The following CEP112 variants were observed in gnomAD, a reference collection of about 807,000 sequenced individuals.
CEP112 encodes the protein centrosomal protein of 112 kDa.
A neutral mutation model predicts 153.0 loss-of-function variants in CEP112; 127 were observed. The ratio of observed to expected loss-of-function variants is 0.83; its 90% CI spans 0.72 to 0.96. The LOEUF is 0.96. Among genes scored for constraint, CEP112 ranks in the 40% least tolerant of loss-of-function variants. The pLI is 0.00. For synonymous variants in CEP112, 358 were observed against 374.4 expected (o/e 0.96, Z 0.51); for missense variants, 1,089 against 1,101.2 (o/e 0.99, Z 0.16).
intron 19 of CEP112, chr17:65,903,358 C>T (rs1568200224): frequency 6.6e-6 from 1 of 152,184 alleles, no homozygotes; most frequent in Non-Finnish European, 1.5e-5. Context: ...CAATGAATCA[C>T]CAGACTACCT....
intron 12 of CEP112, among the ~76,000 whole-genome samples, chr17:66,052,390 C>T (rs557088817): frequency 6.6e-6 from 1 of 152,290 alleles, no homozygotes; most frequent in African/African-American, 2.4e-5. Context: ...CTCTGAGCCA[C>T]ATGCAGAGTA....
At chr17:66,149,833 G>C (rs1442153394) in intron 4 of CEP112, among the ~76,000 whole-genome samples, 1 of 94,860 alleles carries the variant, frequency 1.1e-5, no homozygotes, top group South Asian at 3.2e-4. Context: ...GGTTTAGTTT[G>C]TTCTTTTTCT....
intron 21 of CEP112, among the ~76,000 whole-genome samples, chr17:65,837,220 G>A (rs1432387580): frequency 7.9e-5 from 12 of 151,834 alleles, no homozygotes; most frequent in African/African-American, 2.4e-4. Flanking sequence ...CTGCCCGGCC[G>A]CCACCCCGTC....
chr17:65,959,310 C>T (rs370919026), intron 18 of CEP112, among the ~76,000 whole-genome samples: 1 of 152,190 alleles, frequency 6.6e-6, no homozygotes, highest in Non-Finnish European at 1.5e-5. Flanking sequence ...CTCACTGGGA[C>T]ACCCTGGCTG....
chr17:65,654,477 G>A (rs571961059), intron 24 of CEP112, among the ~76,000 whole-genome samples: 3 of 152,312 alleles, frequency 2.0e-5, no homozygotes. Context: ...GAAGCCTGCT[G>A]CTTAACAGGC....
intron 16 of CEP112, among the ~76,000 whole-genome samples, chr17:66,019,853 T>A (rs1332480648): frequency 6.6e-6 from 1 of 152,178 alleles, no homozygotes; most frequent in Non-Finnish European, 1.5e-5. Context: ...AATATTCCCT[T>A]TCTAGTGTAC....
chr17:65,701,389 C>T (rs1329887450), intron 23 of CEP112, among the ~76,000 whole-genome samples: 6 of 152,116 alleles, frequency 3.9e-5, no homozygotes, highest in Non-Finnish European at 8.8e-5. Flanking sequence ...CTGCATGACA[C>T]GGATTCAACA....
intron 23 of CEP112, among the ~76,000 whole-genome samples, chr17:65,692,712 C>A (rs2048170349): frequency 6.6e-6 from 1 of 152,094 alleles, no homozygotes; most frequent in African/African-American, 2.4e-5. Flanking sequence ...CTTCTCTGGG[C>A]TTTCATCCAT....
intron 19 of CEP112, among the ~76,000 whole-genome samples, chr17:65,919,912 G>C (rs117370412): frequency 6.6e-6 from 1 of 152,052 alleles, no homozygotes; most frequent in African/African-American, 2.4e-5. Context: ...TTAGAGTGGG[G>C]GTCAAGGGCA....
At chr17:66,086,497 G>A (rs756508153) in intron 8 of CEP112, among the ~76,000 whole-genome samples, 10 of 135,930 alleles carry the variant, frequency 7.4e-5, no homozygotes, top group African/African-American at 1.9e-4. Flanking sequence ...TCTGCCTCCC[G>A]GGGTCATGCC....
At chr17:65,913,707 C>T in intron 19 of CEP112, 5 of 985,416 alleles carry the variant, frequency 5.1e-6, no homozygotes, top group Non-Finnish European at 6.0e-6. Context: ...TTCTTTATTC[C>T]TTTTCCTCTC....
At chr17:65,971,009 T>C (rs2062745969) in intron 17 of CEP112, among the ~76,000 whole-genome samples, 1 of 152,216 alleles carries the variant, frequency 6.6e-6, no homozygotes, top group African/African-American at 2.4e-5. Flanking sequence ...CTTCTTATTT[T>C]GGAAGATAAT....
At chr17:66,031,494 T>G (rs1047957524) in intron 12 of CEP112, among the ~76,000 whole-genome samples, 3 of 147,938 alleles carry the variant, frequency 2.0e-5, no homozygotes, top group African/African-American at 7.4e-5. Flanking sequence ...TTGTTTTTTT[T>G]TTTTTTTGAG....
At chr17:65,680,934 G>A (rs1419692937) in intron 24 of CEP112, among the ~76,000 whole-genome samples, 1 of 152,100 alleles carries the variant, frequency 6.6e-6, no homozygotes, top group African/African-American at 2.4e-5. Context: ...GGGGGAAACT[G>A]CCCGCCATGA....
chr17:65,891,585 A>G (rs1311457613), intron 20 of CEP112, among the ~76,000 whole-genome samples: 2 of 152,174 alleles, frequency 1.3e-5, no homozygotes. Context: ...TACGCATGCC[A>G]TATTGGCATC....
intron 6 of CEP112, among the ~76,000 whole-genome samples, chr17:66,121,086 C>G (rs2069560109): frequency 6.6e-6 from 1 of 152,066 alleles, no homozygotes; most frequent in African/African-American, 2.4e-5. Flanking sequence ...CGAGACCAGT[C>G]TGACCAACAT....
chr17:65,693,769 G>A (rs577568337), intron 23 of CEP112, among the ~76,000 whole-genome samples: 1 of 152,198 alleles, frequency 6.6e-6, no homozygotes, highest in South Asian at 2.1e-4. Context: ...CTCCAAATTC[G>A]TATGTTGAAA....
chr17:66,099,419 T>C (rs1354400925), intron 6 of CEP112, among the ~76,000 whole-genome samples: 1 of 149,136 alleles, frequency 6.7e-6, no homozygotes, highest in Non-Finnish European at 1.5e-5. Context: ...CAGGAGAACC[T>C]CTTGAACCCA....
intron 4 of CEP112, among the ~76,000 whole-genome samples, chr17:66,151,047 T>C (rs1279721049): frequency 6.6e-6 from 1 of 152,232 alleles, no homozygotes; most frequent in Non-Finnish European, 1.5e-5. Context: ...TACATCTCTT[T>C]GCATCCTTTT....
Sources: gnomAD v4.1 joint callset for allele counts (sites outside exome capture counted in the v4.1 genomes callset) on GRCh38, gnomAD v4.1.1 for gene constraint, MANE v1.5 for transcripts, NCBI Gene and HGNC (gene_info 2026-07-23, HGNC 2026-07-21) for gene names.